CLASP2: variants seen among roughly 807,000 people sequenced by gnomAD.
The protein encoded by CLASP2 is CLIP-associating protein 2.
A neutral mutation model predicts 194.4 loss-of-function variants in CLASP2; 47 were observed. The ratio of observed to expected loss-of-function variants is 0.24; its 90% confidence interval spans 0.19 to 0.31. The LOEUF (loss-of-function observed/expected upper bound fraction) is 0.31, where lower values mean the gene tolerates loss of function less well. Ranked by LOEUF, CLASP2 falls within the 10% of genes least tolerant of loss-of-function variation. The pLI is 1.00. For synonymous variants in CLASP2, 619 were observed against 633.5 expected (o/e 0.98, Z 0.34); for missense variants, 1,445 against 1,823.6 (o/e 0.79, Z 3.78).
rs2045991879 is a variant in CLASP2 at position 33,497,814 on chromosome 3, A to G, written c.*817T>C. The stretch of plus-strand genomic sequence containing the variant: ...ATAAGTGAATTTGATATTAATAAAT[A>G]CAAAAAAGCATCATTCACAACAAAG... On this transcript the variant is annotated 3_prime_UTR_variant, in exon 39 of 39. Coordinates refer to ENST00000682230, the MANE Select transcript of CLASP2 (RefSeq NM_001365631.1). 1 of 152,596 alleles carries G rather than the reference A, an allele frequency of 6.6e-6. No individual in the cohort carries two copies. Among genetic ancestry groups the G allele is most frequent in the Non-Finnish European group, 1.5e-5 (1 of 68,050 alleles). The allele number at this position is 152,596 out of a possible 1,614,324, so 9.5% of individuals were successfully genotyped here. A position where few individuals can be genotyped will look rare whatever the true frequency, so the allele number is the denominator to read the frequency against.
chr3:33,515,168 A>G (rs1025272620), intron 36 of CLASP2, among the ~76,000 whole-genome samples: 6 of 152,170 alleles, frequency 3.9e-5, no homozygotes, highest in Admixed American at 6.5e-5. Context: ...AATCACCACT[A>G]AAGAACTTAT....
At chr3:33,571,445 A>C (rs1228731990) in intron 25 of CLASP2, among the ~76,000 whole-genome samples, 1 of 150,886 alleles carries the variant, frequency 6.6e-6, no homozygotes, top group Admixed American at 6.6e-5. Context: ...CCTGGCCAAC[A>C]TGGTGAAACC....
intron 1 of CLASP2, 72 bp downstream of exon 1, chr3:33,717,736 C>T: frequency 2.0e-6 from 3 of 1,489,004 alleles, no homozygotes; most frequent in Non-Finnish European, 2.7e-6. Context: ...TTTCCCGGCC[C>T]GGCGCTCGCG....
intron 12 of CLASP2, among the ~76,000 whole-genome samples, chr3:33,616,864 A>G (rs918318240): frequency 2.0e-5 from 3 of 150,900 alleles, no homozygotes; most frequent in Admixed American, 2.0e-4. Flanking sequence ...CAGCCTCCAG[A>G]GTAGCTGGGA....
chr3:33,580,696 A>T (rs2154209203), intron 23 of CLASP2, among the ~76,000 whole-genome samples: 1 of 152,052 alleles, frequency 6.6e-6, no homozygotes, highest in African/African-American at 2.4e-5. Flanking sequence ...CCTTCTAAGT[A>T]TTACAGTAAA....
intron 1 of CLASP2, among the ~76,000 whole-genome samples, chr3:33,715,228 T>C (rs1456345567): frequency 6.6e-6 from 1 of 152,250 alleles, no homozygotes; most frequent in Non-Finnish European, 1.5e-5. Flanking sequence ...TACAAGCACA[T>C]GCTATCTGAA....
At chr3:33,706,074 A>AC (rs1264759783) in intron 1 of CLASP2, among the ~76,000 whole-genome samples, 148 of 152,164 alleles carry the variant, frequency 9.7e-4, no homozygotes, top group African/African-American at 3.5e-3. Context: ...ACAACATGGC[A>AC]AGACCCCATC....
chr3:33,502,081 TA>T (rs571376262), intron 37 of CLASP2: 200 of 223,224 alleles, frequency 9.0e-4, no homozygotes, highest in African/African-American at 3.4e-3. Flanking sequence ...CTAACTTTCC[TA>T]AAGCATTAGG....
Position 33,525,135 on chromosome 3 carries a change from A to G in CLASP2, c.3788-7961T>C, listed in dbSNP as rs1223445003. On this transcript the variant is annotated intron_variant, in intron 34 of 38. Transcript: ENST00000682230. ...TAACAGAAGTAAAACTGGAAAATTCACAAGTTTGAGGAAATTAAACAACAC... is the reference window on the plus strand; with the variant it reads ...TAACAGAAGTAAAACTGGAAAATTCGCAAGTTTGAGGAAATTAAACAACAC... 3.9e-5 allele frequency among the ~76,000 whole-genome samples: 6 copies of G among 152,216 alleles called. No homozygotes were observed. The South Asian group carries it at 8.3e-4, about 21-fold the overall frequency.
intron 24 of CLASP2, among the ~76,000 whole-genome samples, chr3:33,573,949 G>A (rs933936879): frequency 5.9e-5 from 9 of 152,014 alleles, no homozygotes; most frequent in African/African-American, 1.2e-4. Context: ...TTAAGGAGGC[G>A]AACTCCTTGA....
At chr3:33,613,001 T>A (rs1181753601) in intron 12 of CLASP2, among the ~76,000 whole-genome samples, 1 of 152,182 alleles carries the variant, frequency 6.6e-6, no homozygotes, top group Non-Finnish European at 1.5e-5. Flanking sequence ...AACAATCTAT[T>A]GTACATTTCA....
At chr3:33,561,816 T>G (rs1050128243) in intron 27 of CLASP2, among the ~76,000 whole-genome samples, 7 of 152,074 alleles carry the variant, frequency 4.6e-5, no homozygotes, top group Admixed American at 1.3e-4. Flanking sequence ...AATGGAAAAT[T>G]AGTTTCTAGA....
At chr3:33,618,110 G>A (rs2076512561) in intron 12 of CLASP2, among the ~76,000 whole-genome samples, 1 of 151,342 alleles carries the variant, frequency 6.6e-6, no homozygotes, top group East Asian at 2.0e-4. Flanking sequence ...CACCATGCCT[G>A]GCTAATTTTG....
intron 38 of CLASP2, among the ~76,000 whole-genome samples, chr3:33,499,422 T>A (rs2046333984): frequency 6.7e-6 from 1 of 149,658 alleles, no homozygotes; most frequent in South Asian, 2.1e-4. Flanking sequence ...CAATCTCAGC[T>A]CACTGCAAGC....
At chr3:33,563,692 C>T (rs551515223) in intron 27 of CLASP2, among the ~76,000 whole-genome samples, 49 of 152,262 alleles carry the variant, frequency 3.2e-4, no homozygotes, top group African/African-American at 1.2e-3. Context: ...AAACAGGCAG[C>T]AGGGAAGATG....
In CLASP2 at chr3:33,496,297, GAAC is replaced by G. The variant is rs1247274916; in HGVS notation, c.*2331_*2333del. 2.0e-5 allele frequency: 3 copies of G among 152,124 alleles called. No individual in the cohort carries two copies. Among genetic ancestry groups the G allele is most frequent in the South Asian group, 2.1e-4 (1 of 4,834 alleles). The allele number at this position is 152,124 out of a possible 1,614,324, so 9.4% of individuals were successfully genotyped here. A position where few individuals can be genotyped will look rare whatever the true frequency, so the allele number is the denominator to read the frequency against. ...ATTAGTTCTCAGCAGTGCAGTAAAT[GAAC>G]AACACTTATTAATAATTAATTTGGG... On this transcript the variant is annotated 3_prime_UTR_variant, in exon 39 of 39. Coordinates refer to ENST00000682230, the MANE Select transcript of CLASP2 (RefSeq NM_001365631.1).
intron 1 of CLASP2, among the ~76,000 whole-genome samples, chr3:33,708,688 T>G (rs947056568): frequency 5.9e-5 from 9 of 151,866 alleles, no homozygotes; most frequent in African/African-American, 2.2e-4. Context: ...AATATCTCTT[T>G]GAGATAGTGA....
chr3:33,644,628 T>C, intron 8 of CLASP2, 129 bp downstream of exon 8: 1 of 936,328 alleles, frequency 1.1e-6, no homozygotes, highest in Non-Finnish European at 1.7e-6. Context: ...TTCTGAATGT[T>C]GCAACAGACT....
At chr3:33,697,309 T>C (rs114038426) in intron 1 of CLASP2, among the ~76,000 whole-genome samples, 2,944 of 152,326 alleles carry the variant, frequency 0.019, 56 homozygotes, top group African/African-American at 0.045. Flanking sequence ...AGAGTGCATT[T>C]ACACCTAGAC....
Sources: allele counts gnomAD v4.1 joint callset (sites outside exome capture counted in the v4.1 genomes callset), GRCh38; gene constraint gnomAD v4.1.1; transcripts MANE v1.5; gene names NCBI Gene and HGNC (gene_info 2026-07-23, HGNC 2026-07-21).